The following DENND1B variants were observed in gnomAD, a reference collection of about 807,000 sequenced individuals.
DENND1B encodes the protein DENN domain containing 1B, also known as DENN domain-containing protein 1B.
Under a neutral mutation model 90.1 loss-of-function variants are expected in DENND1B, and 59 were observed. That is an observed-to-expected ratio of 0.65 (90% CI 0.53 to 0.81). DENND1B has a LOEUF of 0.81. Among genes scored for constraint, DENND1B ranks in the 40% least tolerant of loss-of-function variants. The probability of loss-of-function intolerance (pLI) is 0.00; values close to 1 mark genes in which losing one functional copy is unlikely to be tolerated. For missense variants in DENND1B, 862 were observed against 912.6 expected, an observed-to-expected ratio of 0.94 and a Z score of 0.71; for synonymous variants, 337 against 324.6, an observed-to-expected ratio of 1.04 and a Z score of -0.41.
intron 2 of DENND1B, among the ~76,000 whole-genome samples, chr1:197,744,967 ACCAACCTCTG>A (rs1663568348): frequency 6.6e-6 from 1 of 152,170 alleles, no homozygotes; most frequent in Admixed American, 6.5e-5. Context: ...TATCTCATGA[ACCAACCTCTG>A]CTAGCTTCAA....
intron 20 of DENND1B, among the ~76,000 whole-genome samples, chr1:197,517,535 C>T (rs1053531555): frequency 6.6e-6 from 1 of 151,846 alleles, no homozygotes; most frequent in African/African-American, 2.4e-5. Flanking sequence ...CTATACACAT[C>T]GATTTTCATT....
intron 4 of DENND1B, among the ~76,000 whole-genome samples, chr1:197,672,580 A>C (rs1333508338): frequency 1.3e-5 from 2 of 152,046 alleles, no homozygotes; most frequent in Non-Finnish European, 2.9e-5. Flanking sequence ...GTCGCTTTAG[A>C]ATCTAATGGC....
upstream of DENND1B, among the ~76,000 whole-genome samples, chr1:197,775,885 C>T (rs1657237509): frequency 6.6e-6 from 1 of 152,204 alleles, no homozygotes; most frequent in African/African-American, 2.4e-5. Context: ...GTTGATGCCC[C>T]TGGCTCTTGC....
intron 13 of DENND1B, among the ~76,000 whole-genome samples, chr1:197,597,727 C>G (rs1345148155): frequency 6.6e-6 from 1 of 151,838 alleles, no homozygotes; most frequent in Middle Eastern, 3.2e-3. Context: ...ACTTCCAAAA[C>G]TAGTCAATGA....
At chr1:197,740,099 G>T (rs1454895217) in intron 2 of DENND1B, among the ~76,000 whole-genome samples, 3 of 152,192 alleles carry the variant, frequency 2.0e-5, no homozygotes, top group African/African-American at 2.4e-5. Context: ...AGGAGAGTGC[G>T]ATTTTAATTC....
chr1:197,592,373 A>G (rs1050519196), intron 14 of DENND1B, among the ~76,000 whole-genome samples: 26 of 152,236 alleles, frequency 1.7e-4, no homozygotes, highest in African/African-American at 5.3e-4. Flanking sequence ...CTGGCATCCA[A>G]TGGGTGCTCA....
At chr1:197,693,925 G>T (rs1057410761) in intron 3 of DENND1B, among the ~76,000 whole-genome samples, 2 of 151,404 alleles carry the variant, frequency 1.3e-5, no homozygotes, top group African/African-American at 2.4e-5. Flanking sequence ...AGGCTAGCTG[G>T]TAACATATGT....
rs117407345 is a variant in DENND1B, at chr1:197,718,174, A to C, written c.83-3100T>G. ...TTTAAATAATTTCCAATAATTCACA[A>C]ATTTTTGTGGCCCATTTAACTTAAG... On this transcript the variant is annotated intron_variant, in intron 2 of 22. Transcript: ENST00000620048. Among the ~76,000 whole-genome samples the C allele has an allele frequency of 3.2e-4, 49 of 152,048 alleles. No individual in the cohort carries two copies. The East Asian group carries it at 9.5e-3, about 29-fold the overall frequency.
chr1:197,624,236 A>C (rs1018702736), intron 10 of DENND1B, among the ~76,000 whole-genome samples: 11 of 151,738 alleles, frequency 7.2e-5, no homozygotes, highest in African/African-American at 2.7e-4. Flanking sequence ...AGATCAATGA[A>C]ACAGAATAGA....
chr1:197,674,667 TA>T (rs35033905), intron 3 of DENND1B, among the ~76,000 whole-genome samples: 113,808 of 144,712 alleles, frequency 0.79, 44,472 homozygotes, highest in East Asian at 0.88. Flanking sequence ...GTCAAACAGT[TA>T]AAAAAAAAAA....
intron 18 of DENND1B, among the ~76,000 whole-genome samples, chr1:197,544,780 G>C (rs1222730848): frequency 7.8e-6 from 1 of 128,740 alleles, no homozygotes. Context: ...ACGAGGAGGA[G>C]GAAGAAGAAG....
chr1:197,705,402 A>C (rs1256270822), intron 3 of DENND1B, among the ~76,000 whole-genome samples: 1 of 152,124 alleles, frequency 6.6e-6, no homozygotes, highest in East Asian at 1.9e-4. Context: ...TAGAATCCTA[A>C]GAGTTATGAA....
chr1:197,652,656 T>A (rs1653366841), intron 6 of DENND1B, among the ~76,000 whole-genome samples: 1 of 152,066 alleles, frequency 6.6e-6, no homozygotes, highest in Non-Finnish European at 1.5e-5. Flanking sequence ...AAAATAGTAA[T>A]ACAACTTTTT....
chr1:197,617,864 A>G (rs1677801091), intron 10 of DENND1B, 105 bp from the exon 11 acceptor site: 9 of 746,072 alleles, frequency 1.2e-5, no homozygotes, highest in South Asian at 1.2e-4. Flanking sequence ...AACAATTTAC[A>G]TAACTACATA....
chr1:197,639,194 G>A (rs958540455), intron 10 of DENND1B, among the ~76,000 whole-genome samples: 1 of 151,814 alleles, frequency 6.6e-6, no homozygotes, highest in Non-Finnish European at 1.5e-5. Flanking sequence ...CTCCCGAGTA[G>A]CTGGGACTAC....
chr1:197,697,485 C>A (rs945866122), intron 3 of DENND1B, among the ~76,000 whole-genome samples: 4 of 151,640 alleles, frequency 2.6e-5, no homozygotes, highest in East Asian at 3.9e-4. Flanking sequence ...CCACTCTCAC[C>A]CTAAAAAGAG....
intron 2 of DENND1B, among the ~76,000 whole-genome samples, chr1:197,717,578 T>C (rs1039136286): frequency 6.6e-6 from 1 of 151,992 alleles, no homozygotes; most frequent in African/African-American, 2.4e-5. Flanking sequence ...TGTTACAGCA[T>C]AGTAAGAAAA....
At chr1:197,538,525 C>T (rs919687985) in intron 20 of DENND1B, among the ~76,000 whole-genome samples, 20 of 151,916 alleles carry the variant, frequency 1.3e-4, no homozygotes, top group South Asian at 4.1e-4. Context: ...TGAATAATCA[C>T]GAGGAAATAC....
intron 2 of DENND1B, chr1:197,734,706 T>A: frequency 1.0e-6 from 1 of 985,026 alleles, no homozygotes; most frequent in Non-Finnish European, 1.2e-6. Flanking sequence ...AACTACTGTA[T>A]ACAGGATTCA....
Sources: allele counts gnomAD v4.1 joint callset (sites outside exome capture counted in the v4.1 genomes callset), GRCh38; gene constraint gnomAD v4.1.1; transcripts MANE v1.5; gene names NCBI Gene and HGNC (gene_info 2026-07-23, HGNC 2026-07-21).